The following MDGA2 variants were observed in gnomAD, a reference collection of about 807,000 sequenced individuals.
MDGA2 encodes MAM domain containing glycosylphosphatidylinositol anchor 2, also known as MAM domain-containing glycosylphosphatidylinositol anchor protein 2.
In MDGA2, 40 loss-of-function variants were observed where a neutral mutation model predicts 117.8. That is an observed-to-expected ratio of 0.34 (90% CI 0.26 to 0.44). The LOEUF is 0.44. Among genes scored for constraint, MDGA2 ranks in the 20% least tolerant of loss-of-function variants. MDGA2 has a pLI of 1.00. For missense variants in MDGA2, 1,123 were observed against 1,250.6 expected (o/e 0.90, Z 1.54); for synonymous variants, 452 against 439.0 (o/e 1.03, Z -0.37).
intron 10 of MDGA2, among the ~76,000 whole-genome samples, chr14:46,887,434 A>G (rs547606870): frequency 1.4e-4 from 21 of 152,068 alleles, no homozygotes; most frequent in Non-Finnish European, 2.2e-4. Context: ...AATTGTTTTT[A>G]CCAGAGCCCT....
At chr14:47,520,378 G>T (rs2138711680) in intron 1 of MDGA2, among the ~76,000 whole-genome samples, 1 of 152,188 alleles carries the variant, frequency 6.6e-6, no homozygotes. Flanking sequence ...TCATCCAAAA[G>T]CACAGTTGCT....
chr14:46,953,469 C>A (rs1206688578), intron 9 of MDGA2, among the ~76,000 whole-genome samples: 1 of 151,846 alleles, frequency 6.6e-6, no homozygotes, highest in Non-Finnish European at 1.5e-5. Flanking sequence ...CTTTTATCTC[C>A]TGGATTATAT....
At chr14:47,491,147 C>T (rs1894160867) in intron 1 of MDGA2, among the ~76,000 whole-genome samples, 2 of 151,852 alleles carry the variant, frequency 1.3e-5, no homozygotes, top group Non-Finnish European at 2.9e-5. Flanking sequence ...TTTTGTTATC[C>T]TAAAATTATC....
chr14:47,099,994 T>A (rs910246552), intron 5 of MDGA2, among the ~76,000 whole-genome samples: 3 of 152,076 alleles, frequency 2.0e-5, no homozygotes, highest in South Asian at 4.1e-4. Context: ...AATAAGTGAG[T>A]AACTACTATA....
chr14:47,282,722 CA>C (rs1269681174), intron 2 of MDGA2, among the ~76,000 whole-genome samples: 1 of 147,246 alleles, frequency 6.8e-6, no homozygotes, highest in Non-Finnish European at 1.5e-5. Flanking sequence ...AAACAAAAAA[CA>C]AAAAACAGGT....
chr14:47,078,082 A>G lies in MDGA2; in HGVS notation c.1196-16504T>C, dbSNP rs540660599. 8.9e-4 allele frequency among the ~76,000 whole-genome samples: 136 copies of G among 152,234 alleles called. 1 individual carries two copies. The highest frequency in any genetic ancestry group is 3.2e-3 in the African/African-American group (133 of 41,566). Reference sequence around the variant, plus strand: ...TGATATAATATGATAGGATATGTCAATTCAGGGACAGATTTTACTGTATTG... The same window carrying G: ...TGATATAATATGATAGGATATGTCAGTTCAGGGACAGATTTTACTGTATTG... On this transcript the variant is annotated intron_variant, in intron 6 of 16. Transcript: ENST00000399232.
chr14:47,602,047 G>A (rs1165640281), intron 1 of MDGA2, among the ~76,000 whole-genome samples: 2 of 152,128 alleles, frequency 1.3e-5, no homozygotes, highest in African/African-American at 4.8e-5. Flanking sequence ...CAGAATAAAT[G>A]ATACAATCTA....
intron 10 of MDGA2, among the ~76,000 whole-genome samples, chr14:46,909,785 G>T (rs1410102163): frequency 1.3e-5 from 2 of 152,028 alleles, no homozygotes; most frequent in African/African-American, 2.4e-5. Flanking sequence ...TCTAAGCAGA[G>T]AAACTGCTTA....
chr14:47,027,860 A>G (rs1029258617), intron 8 of MDGA2, among the ~76,000 whole-genome samples: 1 of 152,126 alleles, frequency 6.6e-6, no homozygotes, highest in Non-Finnish European at 1.5e-5. Flanking sequence ...ATTTGTGGGA[A>G]GCTCAGTTTT....
chr14:47,480,589 T>A (rs985650681), intron 1 of MDGA2, among the ~76,000 whole-genome samples: 17 of 152,116 alleles, frequency 1.1e-4, no homozygotes, highest in African/African-American at 3.6e-4. Context: ...ATATTATTTT[T>A]AAAAATACTA....
chr14:47,129,494 T>A (rs1348386381), intron 5 of MDGA2, among the ~76,000 whole-genome samples: 1 of 150,308 alleles, frequency 6.7e-6, no homozygotes, highest in African/African-American at 2.4e-5. Flanking sequence ...TCTATCATTG[T>A]TGGACATTTG....
intron 1 of MDGA2, among the ~76,000 whole-genome samples, chr14:47,484,247 AC>A (rs763392315): frequency 3.7e-5 from 5 of 136,700 alleles, no homozygotes; most frequent in Non-Finnish European, 6.5e-5. Flanking sequence ...AATTAAAAAA[AC>A]ACATATATAT....
intron 1 of MDGA2, among the ~76,000 whole-genome samples, chr14:47,350,258 T>C (rs1890849754): frequency 6.6e-6 from 1 of 152,198 alleles, no homozygotes; most frequent in Admixed American, 6.5e-5. Context: ...CTAGCGCATT[T>C]CCTGGCCCAG....
intron 8 of MDGA2, among the ~76,000 whole-genome samples, chr14:46,986,858 C>A (rs1886878422): frequency 6.6e-6 from 1 of 152,054 alleles, no homozygotes; most frequent in South Asian, 2.1e-4. Context: ...TCAGAAATTA[C>A]TTAGAAAGCT....
intron 14 of MDGA2, among the ~76,000 whole-genome samples, chr14:46,867,597 C>G (rs1372331004): frequency 6.6e-6 from 1 of 151,954 alleles, no homozygotes; most frequent in African/African-American, 2.4e-5. Context: ...CTTTACATTC[C>G]TTCTCTACAT....
At chr14:47,661,035 C>G (rs554699481) in intron 1 of MDGA2, among the ~76,000 whole-genome samples, 41 of 152,208 alleles carry the variant, frequency 2.7e-4, no homozygotes, top group Admixed American at 2.0e-3. Context: ...TCGCATGTGA[C>G]AAGCTAAAAT....
At chr14:47,148,666 G>GT (rs1210138524) in intron 3 of MDGA2, among the ~76,000 whole-genome samples, 3 of 152,220 alleles carry the variant, frequency 2.0e-5, no homozygotes, top group African/African-American at 4.8e-5. Context: ...ATGGATGTAG[G>GT]TTTTTTATAG....
At chr14:47,227,826 C>G (rs1462689826) in intron 2 of MDGA2, among the ~76,000 whole-genome samples, 1 of 152,118 alleles carries the variant, frequency 6.6e-6, no homozygotes, top group East Asian at 1.9e-4. Context: ...AGTTGACTGC[C>G]TTAAAGCCTC....
At chr14:47,489,052 A>G (rs936355267) in intron 1 of MDGA2, among the ~76,000 whole-genome samples, 5 of 152,088 alleles carry the variant, frequency 3.3e-5, no homozygotes, top group Non-Finnish European at 5.9e-5. Context: ...TCAGTTATGC[A>G]TATCAGTCCT....
Sources: gnomAD v4.1 joint callset for allele counts (sites outside exome capture counted in the v4.1 genomes callset) on GRCh38, gnomAD v4.1.1 for gene constraint, MANE v1.5 for transcripts, NCBI Gene and HGNC (gene_info 2026-07-23, HGNC 2026-07-21) for gene names.